LDLRAD3: variants seen among roughly 807,000 people sequenced by gnomAD.
LDLRAD3 encodes the protein low density lipoprotein receptor class A domain containing 3, also known as low-density lipoprotein receptor class A domain-containing protein 3.
Under a neutral mutation model 29.4 loss-of-function variants are expected in LDLRAD3, and 20 were observed. That is an observed-to-expected ratio of 0.68 (90% CI 0.48 to 0.99). The LOEUF is 0.99. Among genes scored for constraint, LDLRAD3 ranks in the 50% least tolerant of loss-of-function variants. The probability of loss-of-function intolerance (pLI) is 0.00; values close to 1 mark genes in which losing one functional copy is unlikely to be tolerated. For synonymous variants in LDLRAD3, 157 were observed against 192.7 expected (o/e 0.81, Z 1.53); for missense variants, 420 against 454.3 (o/e 0.92, Z 0.69).
In LDLRAD3 at chr11:36,142,077, C is replaced by T. The variant is rs182763235; in HGVS notation, c.454+43616C>T. Among the ~76,000 whole-genome samples the T allele has an allele frequency of 2.2e-4, 33 of 152,292 alleles. 1 individual carries two copies. The highest frequency in any genetic ancestry group is 3.4e-3 in the Middle Eastern group (1 of 294). On this transcript the variant is annotated intron_variant, in intron 4 of 5. Transcript: ENST00000315571. Reference sequence around the variant, plus strand: ...TAAACCACTATTGCTTGCTTCCAGTCGCCTCCCCCTTCTTCACTTTTGGGG... The same window carrying T: ...TAAACCACTATTGCTTGCTTCCAGTTGCCTCCCCCTTCTTCACTTTTGGGG...
intron 4 of LDLRAD3, among the ~76,000 whole-genome samples, chr11:36,198,575 C>T (rs1917901): frequency 6.6e-6 from 1 of 152,116 alleles, no homozygotes; most frequent in Non-Finnish European, 1.5e-5. Context: ...GCTTCCCCCC[C>T]ATCCCACTCC....
At chr11:36,014,380 A>C (rs187711657) in intron 1 of LDLRAD3, among the ~76,000 whole-genome samples, 1 of 152,242 alleles carries the variant, frequency 6.6e-6, no homozygotes, top group Admixed American at 6.5e-5. Flanking sequence ...TTTAATGAAA[A>C]TGCTGTGTAA....
chr11:35,983,082 G>A (rs1332988701), intron 1 of LDLRAD3, among the ~76,000 whole-genome samples: 3 of 152,056 alleles, frequency 2.0e-5, no homozygotes, highest in Non-Finnish European at 4.4e-5. Context: ...TTGAACTCCT[G>A]ACCTCAAGTG....
At chr11:36,159,493 G>C in intron 4 of LDLRAD3, among the ~76,000 whole-genome samples, 1 of 149,978 alleles carries the variant, frequency 6.7e-6, no homozygotes, top group East Asian at 2.0e-4. Context: ...AGCCAGATGC[G>C]GTGGCTCACT....
intron 2 of LDLRAD3, among the ~76,000 whole-genome samples, chr11:36,069,287 A>G (rs148443361): frequency 9.8e-5 from 15 of 152,308 alleles, no homozygotes; most frequent in South Asian, 2.1e-4. Flanking sequence ...ATCCAGGCAG[A>G]TTACTTTTTA....
intron 4 of LDLRAD3, among the ~76,000 whole-genome samples, chr11:36,130,328 G>C (rs998197308): frequency 6.6e-6 from 1 of 152,184 alleles, no homozygotes; most frequent in African/African-American, 2.4e-5. Context: ...TGGGGCTGAC[G>C]GGATAGAACT....
chr11:36,052,517 C>A (rs1852543476), intron 2 of LDLRAD3, among the ~76,000 whole-genome samples: 1 of 152,132 alleles, frequency 6.6e-6, no homozygotes. Flanking sequence ...TTGTTCATTT[C>A]TAACATCATC....
At chr11:36,044,751 A>G (rs749546619) in intron 2 of LDLRAD3, among the ~76,000 whole-genome samples, 4 of 152,234 alleles carry the variant, frequency 2.6e-5, no homozygotes, top group Non-Finnish European at 5.9e-5. Context: ...GAGGTGAGCC[A>G]GGCTCTTGAG....
In LDLRAD3 at chr11:36,213,042, CT is replaced by C. The variant is rs1261192770; in HGVS notation, c.455-14042del. Among the ~76,000 whole-genome samples the C allele has an allele frequency of 6.6e-6, 1 of 151,826 alleles. No homozygotes were observed. The highest frequency in any genetic ancestry group is 6.6e-5 in the Admixed American group (1 of 15,244). On this transcript the variant is annotated intron_variant, in intron 4 of 5. Coordinates refer to ENST00000315571, the MANE Select transcript of LDLRAD3 (RefSeq NM_174902.4). The surrounding 1 kb of genome is among the most constrained non-coding windows in gnomAD (Gnocchi z 4.1). ...AACTTTCTTCTCTCTCTGTCTCTCT[CT>C]CCCCCACCCCTCTCTTTCTCTCCCC...
chr11:36,208,543 G>T (rs1387005422), intron 4 of LDLRAD3, among the ~76,000 whole-genome samples: 1 of 152,188 alleles, frequency 6.6e-6, no homozygotes, highest in Non-Finnish European at 1.5e-5. Flanking sequence ...AGCCTTCCTG[G>T]CCTGATCGCC....
intron 2 of LDLRAD3, among the ~76,000 whole-genome samples, chr11:36,044,276 G>C (rs539757570): frequency 1.3e-5 from 2 of 152,272 alleles, no homozygotes; most frequent in South Asian, 4.2e-4. Context: ...CTGTGTGCAG[G>C]CCGTAAGCCA....
In LDLRAD3 at chr11:36,227,403, C is replaced by T. The variant is rs758920048; in HGVS notation, c.773C>T (p.Ser258Phe). 4 of 1,592,708 alleles carry T rather than the reference C, an allele frequency of 2.5e-6. No individual in the cohort carries two copies. The South Asian group carries it at 3.5e-5, about 14-fold the overall frequency. Residue 258 changes from serine (S) to phenylalanine (F), a missense_variant, in exon 5 of 6, where the codon TCC (serine) becomes TTC (phenylalanine). Ser to Phe is a radical substitution (Grantham distance 155). Coordinates refer to ENST00000315571, the MANE Select transcript of LDLRAD3 (RefSeq NM_174902.4). ...GCGTCGGAAGTAGGCTCCCCACCCT[C>T]CTACTCCGAGGCCTTGCTGGACCAG... ...QNASEVGSPP[S>F]YSEALLDQRP...
At chr11:36,196,398 G>A (rs779737944) in intron 4 of LDLRAD3, 7 of 152,200 alleles carry the variant, frequency 4.6e-5, no homozygotes, top group Non-Finnish European at 1.0e-4. Flanking sequence ...ATTTCCATAG[G>A]CTTTGAAATG....
intron 1 of LDLRAD3, among the ~76,000 whole-genome samples, chr11:35,980,324 T>C (rs564698998): frequency 6.6e-6 from 1 of 152,174 alleles, no homozygotes; most frequent in African/African-American, 2.4e-5. Flanking sequence ...ATTGGCTTTA[T>C]TGGGATGGGC....
At position 35,973,349 on chromosome 11, in the gene LDLRAD3, G is replaced by C. The variant is rs375464125; in HGVS notation, c.46+29205G>C. Among the ~76,000 whole-genome samples the C allele has an allele frequency of 3.7e-3, 560 of 152,270 alleles. 5 individuals carry two copies. Among genetic ancestry groups the C allele is most frequent in the Middle Eastern group, 0.014 (4 of 294 alleles). On this transcript the variant is annotated intron_variant, in intron 1 of 5. Coordinates refer to ENST00000315571, the MANE Select transcript of LDLRAD3 (RefSeq NM_174902.4). Reference sequence around the variant, plus strand: ...AGACAGGTTGATTCACATCTTTGCTGTGACAAACAATGTTACATTGGATAG... The same window carrying C: ...AGACAGGTTGATTCACATCTTTGCTCTGACAAACAATGTTACATTGGATAG...
chr11:35,958,124 G>T (rs890894935), intron 1 of LDLRAD3, among the ~76,000 whole-genome samples: 4 of 152,196 alleles, frequency 2.6e-5, no homozygotes, highest in African/African-American at 9.7e-5. Context: ...TCACTGACCT[G>T]TGTTCTCCAG....
chr11:36,052,340 T>C (rs186897180), intron 2 of LDLRAD3, among the ~76,000 whole-genome samples: 21 of 152,242 alleles, frequency 1.4e-4, no homozygotes, highest in Admixed American at 2.0e-4. Flanking sequence ...ATCAAATAGA[T>C]CGCAGATGCT....
chr11:36,079,085 C>T (rs913369623), intron 2 of LDLRAD3, among the ~76,000 whole-genome samples: 3 of 152,206 alleles, frequency 2.0e-5, no homozygotes, highest in African/African-American at 4.8e-5. Context: ...GGACCTACTG[C>T]CGCCACTGCT....
chr11:36,223,779 T>C (rs1233558228), intron 4 of LDLRAD3, among the ~76,000 whole-genome samples: 1 of 151,952 alleles, frequency 6.6e-6, no homozygotes, highest in Non-Finnish European at 1.5e-5. Flanking sequence ...CTCACTGGAA[T>C]GGAACTCAGT....
Sources: allele counts gnomAD v4.1 joint callset (sites outside exome capture counted in the v4.1 genomes callset), GRCh38; gene constraint gnomAD v4.1.1; non-coding constraint Gnocchi (gnomAD v3.1); transcripts MANE v1.5; gene names NCBI Gene and HGNC (gene_info 2026-07-23, HGNC 2026-07-21).